Variants in ARL8B observed in about 807,000 individuals in gnomAD.
ARL8B encodes the protein ARF like GTPase 8B, also known as ADP-ribosylation factor-like protein 8B.
In ARL8B, 9 loss-of-function variants were observed where a neutral mutation model predicts 30.6. The ratio of observed to expected loss-of-function variants is 0.29; its 90% confidence interval spans 0.18 to 0.51. ARL8B has a LOEUF of 0.51. Ranked by LOEUF, ARL8B falls within the 20% of genes least tolerant of loss-of-function variation. ARL8B has a pLI of 0.97. For missense variants in ARL8B, 130 were observed against 227.2 expected (o/e 0.57, Z 2.75); for synonymous variants, 74 against 76.0 (o/e 0.97, Z 0.14).
intron 1 of ARL8B, among the ~76,000 whole-genome samples, chr3:5,140,118 GT>G (rs566838709): frequency 2.0e-5 from 3 of 151,722 alleles, no homozygotes; most frequent in Non-Finnish European, 4.4e-5. Context: ...TGGGGAGCGT[GT>G]GTGGCAGTGT....
intron 1 of ARL8B, among the ~76,000 whole-genome samples, chr3:5,136,000 C>G (rs2054322511): frequency 6.6e-6 from 1 of 151,382 alleles, no homozygotes; most frequent in Non-Finnish European, 1.5e-5. Context: ...GTTGCCCAGG[C>G]TGATGTCGAA....
rs1480778505 is a variant in ARL8B, at chr3:5,170,526, G to T, written c.147G>T (p.Met49Ile). 6.2e-7 allele frequency: 1 copy of T among 1,612,658 alleles called. No homozygotes were observed. Among genetic ancestry groups the T allele is most frequent in the Non-Finnish European group, 8.5e-7 (1 of 1,179,330 alleles). The change falls in exon 2 of 7, where the codon ATG (methionine) becomes ATT (isoleucine). Residue 49 changes from methionine to isoleucine, a missense_variant. Met to Ile is a conservative substitution (Grantham distance 10). Transcript: ENST00000256496. ...VIASGQFSED[M>I]IPTVGFNMRK... ...AGTCAGGTCAATTCAGTGAAGATAT[G>T]ATACCCACAGTGGGCTTCAACATGA...
intron 1 of ARL8B, among the ~76,000 whole-genome samples, chr3:5,144,834 G>C (rs895348897): frequency 3.9e-5 from 6 of 152,170 alleles, no homozygotes; most frequent in Admixed American, 3.9e-4. Context: ...TGTTTGACCA[G>C]TTCCCCATGT....
intron 1 of ARL8B, among the ~76,000 whole-genome samples, chr3:5,151,901 T>C (rs114852253): frequency 6.6e-6 from 1 of 152,098 alleles, no homozygotes; most frequent in Non-Finnish European, 1.5e-5. Context: ...ATTTTTATAA[T>C]TTTTTTGTAG....
intron 1 of ARL8B, among the ~76,000 whole-genome samples, chr3:5,129,567 T>G (rs995568641): frequency 1.3e-5 from 2 of 152,116 alleles, no homozygotes; most frequent in Non-Finnish European, 2.9e-5. Context: ...CTGAGACAAG[T>G]TCTTGCTCTG....
At chr3:5,140,683 G>T (rs1186401960) in intron 1 of ARL8B, among the ~76,000 whole-genome samples, 1 of 152,060 alleles carries the variant, frequency 6.6e-6, no homozygotes, top group East Asian at 1.9e-4. Flanking sequence ...GCCCTGAGGG[G>T]CTGTATGTGT....
intron 1 of ARL8B, among the ~76,000 whole-genome samples, chr3:5,161,245 T>A (rs531788692): frequency 5.3e-5 from 8 of 152,304 alleles, no homozygotes; most frequent in Admixed American, 2.0e-4. Context: ...ATTCAGCCCC[T>A]GTCCCATAAG....
chr3:5,151,315 T>C (rs2054481197), intron 1 of ARL8B, among the ~76,000 whole-genome samples: 1 of 152,142 alleles, frequency 6.6e-6, no homozygotes, highest in Non-Finnish European at 1.5e-5. Flanking sequence ...TAGTGAAGTG[T>C]GCCTGTAGTC....
Position 5,178,738 on chromosome 3 carries a change from C to T in ARL8B, c.*25C>T. 2 of 1,611,332 alleles carry T rather than the reference C, an allele frequency of 1.2e-6. No homozygotes were observed. Among genetic ancestry groups the T allele is most frequent in the Non-Finnish European group, 1.7e-6 (2 of 1,179,398 alleles). On this transcript the variant is annotated 3_prime_UTR_variant, in exon 7 of 7. Transcript: ENST00000256496. ...AAGCATCTCCTGAAGTCTTCCAGTC[C>T]TTCTTGGCTATAATCCTAGAATTAT... is the stretch of plus-strand genomic sequence containing the variant.
chr3:5,161,528 G>C (rs1194387549), intron 1 of ARL8B, among the ~76,000 whole-genome samples: 3 of 152,156 alleles, frequency 2.0e-5, no homozygotes, highest in South Asian at 4.1e-4. Flanking sequence ...TTCGGGAGCA[G>C]GAAAGAAGAA....
intron 1 of ARL8B, 134 bp downstream of exon 1, chr3:5,122,722 C>T (rs1297010836): frequency 2.9e-6 from 3 of 1,037,274 alleles, no homozygotes; most frequent in Non-Finnish European, 4.1e-6. Context: ...CTGGGCCTGT[C>T]ATCTCCCGAG....
chr3:5,175,535 A>G (rs543667060), intron 6 of ARL8B, among the ~76,000 whole-genome samples: 1 of 152,354 alleles, frequency 6.6e-6, no homozygotes, highest in South Asian at 2.1e-4. Flanking sequence ...TATTGGAATT[A>G]TATGCCCAAA....
At chr3:5,158,282 C>CTGGG (rs749913992) in intron 1 of ARL8B, among the ~76,000 whole-genome samples, 21 of 152,310 alleles carry the variant, frequency 1.4e-4, no homozygotes, top group Non-Finnish European at 2.1e-4. Flanking sequence ...CGCGCCCAGC[C>CTGGG]TGGGGCATGC....
intron 1 of ARL8B, among the ~76,000 whole-genome samples, chr3:5,164,929 T>C (rs1416553874): frequency 1.3e-5 from 2 of 152,228 alleles, no homozygotes; most frequent in South Asian, 2.1e-4. Context: ...TTCTTTTAAA[T>C]AGAGTGTTCC....
intron 1 of ARL8B, among the ~76,000 whole-genome samples, chr3:5,125,766 C>T (rs1202788349): frequency 1.3e-5 from 2 of 152,132 alleles, no homozygotes; most frequent in Non-Finnish European, 2.9e-5. Flanking sequence ...CTCCTGGTCT[C>T]AAGTAATATG....
In ARL8B at chr3:5,178,944, T is replaced by C; in HGVS notation, c.*231T>C. On this transcript the variant is annotated 3_prime_UTR_variant, in exon 7 of 7. Coordinates refer to ENST00000256496, the MANE Select transcript of ARL8B (RefSeq NM_018184.3). ...CACAAAAAGGCTTCTTACACATACC[T>C]GTCTTAAACCATGTGTAGAGCTTTA... The C allele has an allele frequency of 1.7e-6, 1 of 574,642 alleles. No homozygotes were observed. Among genetic ancestry groups the C allele is most frequent in the Middle Eastern group, 5.3e-4 (1 of 1,904 alleles). The allele number at this position is 574,642 out of a possible 1,614,324, so 35.6% of individuals were successfully genotyped here. A position where few individuals can be genotyped will look rare whatever the true frequency, so the allele number is the denominator to read the frequency against.
chr3:5,166,667 T>C (rs1396827240), intron 1 of ARL8B, among the ~76,000 whole-genome samples: 4 of 152,158 alleles, frequency 2.6e-5, no homozygotes, highest in Non-Finnish European at 5.9e-5. Context: ...AAAGTGTCCT[T>C]TCATTACTGG....
rs114579585 is a variant in ARL8B at position 5,165,386 on chromosome 3, G to T, written c.124-5117G>T. On this transcript the variant is annotated intron_variant, in intron 1 of 6. Transcript: ENST00000256496. ...TTGGTAATTATAGTGACTTCATATA[G>T]GAATTAAAAGTTCTTAGAAGGAAAA... 9.0e-3 allele frequency among the ~76,000 whole-genome samples: 1,368 copies of T among 152,132 alleles called. 17 individuals carry two copies. Among genetic ancestry groups the T allele is most frequent in the African/African-American group, 0.031 (1,278 of 41,496 alleles).
intron 1 of ARL8B, among the ~76,000 whole-genome samples, chr3:5,131,185 G>T (rs1011145922): frequency 2.6e-5 from 4 of 152,116 alleles, no homozygotes; most frequent in Non-Finnish European, 5.9e-5. Context: ...GATTACAGGT[G>T]TGAGCCACCG....
Sources: allele counts gnomAD v4.1 joint callset (sites outside exome capture counted in the v4.1 genomes callset), GRCh38; gene constraint gnomAD v4.1.1; transcripts MANE v1.5; gene names NCBI Gene and HGNC (gene_info 2026-07-23, HGNC 2026-07-21).